MGLL: variants seen among roughly 807,000 people sequenced by gnomAD.
MGLL encodes monoglyceride lipase.
In MGLL, 7 loss-of-function variants were observed where a neutral mutation model predicts 29.1. That is an observed-to-expected ratio of 0.24 (90% confidence interval 0.14 to 0.45). The LOEUF is 0.45. Among genes scored for constraint, MGLL ranks in the 20% least tolerant of loss-of-function variants. The pLI, the probability that MGLL is intolerant of heterozygous loss-of-function variation, is 0.99. For synonymous variants in MGLL, 148 were observed against 168.3 expected (o/e 0.88, Z 0.93); for missense variants, 356 against 413.6 (o/e 0.86, Z 1.21).
intron 3 of MGLL, among the ~76,000 whole-genome samples, chr3:127,745,877 G>A (rs893742848): frequency 6.6e-6 from 1 of 152,156 alleles, no homozygotes; most frequent in Admixed American, 6.5e-5. Context: ...GAAGGCACAG[G>A]GGCGGGGCAT....
intron 3 of MGLL, among the ~76,000 whole-genome samples, chr3:127,770,105 C>T (rs1280460648): frequency 2.0e-5 from 3 of 152,210 alleles, no homozygotes; most frequent in African/African-American, 7.2e-5. Flanking sequence ...TTCCTAAATC[C>T]TCAATCTCCT....
At chr3:127,752,081 C>T (rs1280188812) in intron 3 of MGLL, among the ~76,000 whole-genome samples, 3 of 151,244 alleles carry the variant, frequency 2.0e-5, no homozygotes, top group Admixed American at 2.0e-4. Context: ...CACACTCACA[C>T]TCATGTCTCA....
intron 5 of MGLL, among the ~76,000 whole-genome samples, chr3:127,716,326 G>C (rs550963580): frequency 5.3e-5 from 8 of 152,246 alleles, no homozygotes; most frequent in Non-Finnish European, 8.8e-5. Context: ...GGGATGCTGG[G>C]AGAGCTGCAT....
chr3:127,725,543 C>A (rs2076014468), intron 3 of MGLL, among the ~76,000 whole-genome samples: 1 of 152,160 alleles, frequency 6.6e-6, no homozygotes, highest in Non-Finnish European at 1.5e-5. Flanking sequence ...CACAACAGAT[C>A]CTGCTCTGTG....
At chr3:127,728,306 TATCCATCCATCC>T (rs35156008) in intron 3 of MGLL, among the ~76,000 whole-genome samples, 5 of 151,982 alleles carry the variant, frequency 3.3e-5, no homozygotes, top group African/African-American at 1.2e-4. Flanking sequence ...ACTACCTGTT[TATCCATCCATCC>T]ATCCATCCAT....
At chr3:127,782,455 C>A (rs556973473) in intron 2 of MGLL, among the ~76,000 whole-genome samples, 1 of 152,266 alleles carries the variant, frequency 6.6e-6, no homozygotes, top group Non-Finnish European at 1.5e-5. Context: ...AGGTTCATTT[C>A]TTCGCCTGTA....
At chr3:127,802,986 C>CTT (rs760741626) in intron 2 of MGLL, among the ~76,000 whole-genome samples, 1 of 141,938 alleles carries the variant, frequency 7.0e-6, no homozygotes, top group African/African-American at 2.7e-5. Flanking sequence ...CTCTCTCTCT[C>CTT]TTTTTTTTTT....
intron 2 of MGLL, among the ~76,000 whole-genome samples, chr3:127,785,444 C>T (rs143835160): frequency 1.3e-5 from 2 of 152,358 alleles, no homozygotes; most frequent in African/African-American, 4.8e-5. Flanking sequence ...GGAAGCTTCC[C>T]CTTCAGGGTT....
intron 3 of MGLL, among the ~76,000 whole-genome samples, chr3:127,726,169 AAAG>A (rs1559926213): frequency 0.012 from 396 of 32,650 alleles, 6 homozygotes; most frequent in Middle Eastern, 0.091. Context: ...AGAAAGAAAG[AAAG>A]AAAGAAAGAA....
At chr3:127,706,428 T>C (rs2075603185) in intron 6 of MGLL, among the ~76,000 whole-genome samples, 1 of 152,176 alleles carries the variant, frequency 6.6e-6, no homozygotes, top group African/African-American at 2.4e-5. Context: ...TAAAGCATCA[T>C]ACTTCCAGGA....
At chr3:127,733,413 G>A (rs1217484829) in intron 3 of MGLL, among the ~76,000 whole-genome samples, 3 of 152,148 alleles carry the variant, frequency 2.0e-5, no homozygotes, top group Admixed American at 6.5e-5. Context: ...TAATAAACTC[G>A]CTTTCATGTT....
chr3:127,754,137 G>A (rs2076612717), intron 3 of MGLL, among the ~76,000 whole-genome samples: 1 of 152,180 alleles, frequency 6.6e-6, no homozygotes, highest in South Asian at 2.1e-4. Flanking sequence ...CGCTCACCCA[G>A]GCCCTGGCCT....
intron 2 of MGLL, among the ~76,000 whole-genome samples, chr3:127,788,598 G>A (rs1055050213): frequency 6.6e-6 from 1 of 152,154 alleles, no homozygotes; most frequent in Non-Finnish European, 1.5e-5. Context: ...GGAAAGACGT[G>A]TGGTTCCTCC....
intron 5 of MGLL, among the ~76,000 whole-genome samples, chr3:127,714,467 A>G (rs2075777295): frequency 6.6e-6 from 1 of 152,170 alleles, no homozygotes; most frequent in Non-Finnish European, 1.5e-5. Context: ...GCCTAAGAGG[A>G]CAAGCTTGTA....
chr3:127,760,543 G>A (rs556376744), intron 3 of MGLL, among the ~76,000 whole-genome samples: 1 of 152,360 alleles, frequency 6.6e-6, no homozygotes, highest in African/African-American at 2.4e-5. Context: ...CTTGGCAGGA[G>A]GCGAGGTGAG....
chr3:127,728,457 A>T (rs1351498436), intron 3 of MGLL, among the ~76,000 whole-genome samples: 3 of 152,150 alleles, frequency 2.0e-5, no homozygotes, highest in Non-Finnish European at 4.4e-5. Flanking sequence ...CCTACTCTAG[A>T]AACAGTCTTG....
intron 3 of MGLL, among the ~76,000 whole-genome samples, chr3:127,775,907 C>G (rs781563283): frequency 6.6e-6 from 1 of 152,236 alleles, no homozygotes; most frequent in Non-Finnish European, 1.5e-5. Context: ...CTCCTTGCCC[C>G]CTCTGGGTGA....
intron 2 of MGLL, among the ~76,000 whole-genome samples, chr3:127,806,872 C>A (rs904091061): frequency 2.0e-5 from 3 of 152,140 alleles, no homozygotes; most frequent in African/African-American, 7.2e-5. Flanking sequence ...ACTAAAAATA[C>A]AAAAATTAGC....
At chr3:127,773,556 C>T (rs779828059) in intron 3 of MGLL, among the ~76,000 whole-genome samples, 1 of 152,204 alleles carries the variant, frequency 6.6e-6, no homozygotes, top group African/African-American at 2.4e-5. Flanking sequence ...CAGGCTGTGC[C>T]GGGCTGGCTC....
Sources: allele counts gnomAD v4.1 joint callset (sites outside exome capture counted in the v4.1 genomes callset), GRCh38; gene constraint gnomAD v4.1.1; transcripts MANE v1.5; gene names NCBI Gene and HGNC (gene_info 2026-07-23, HGNC 2026-07-21).